Variants in SMG6 observed in about 807,000 individuals in gnomAD.
SMG6 encodes the protein telomerase-binding protein EST1A.
A neutral mutation model predicts 142.2 loss-of-function variants in SMG6; 66 were observed. That is an observed-to-expected ratio of 0.46 (90% CI 0.38 to 0.57). The LOEUF is 0.57. SMG6 is among the 20% of genes least tolerant of loss of function. The pLI, the probability that SMG6 is intolerant of heterozygous loss-of-function variation, is 0.00. For synonymous variants in SMG6, 779 were observed against 702.4 expected, an observed-to-expected ratio of 1.11 and a Z score of -1.72; for missense variants, 1,793 against 1,832.0, an observed-to-expected ratio of 0.98 and a Z score of 0.39.
At chr17:2,188,652 A>C in intron 10 of SMG6, 137 bp from the exon 11 acceptor site, 1 of 683,116 alleles carries the variant, frequency 1.5e-6, no homozygotes, top group Non-Finnish European at 2.5e-6. Context: ...CATAAGGCCA[A>C]GTAGAAAATG....
At position 2,156,393 on chromosome 17, in the gene SMG6, C is replaced by CAAAAAA. The variant is rs34203812; in HGVS notation, c.3357+16259_3357+16264dup. ...TGGGCAACAGAGAGACACTCCTTCT[C>CAAAAAA]AAAAAAAAAAAAAAAAAAAAAAAAA... On this transcript the variant is annotated intron_variant, in intron 13 of 18. Transcript: ENST00000263073. Among the ~76,000 whole-genome samples the CAAAAAA allele has an allele frequency of 9.8e-3, 542 of 55,424 alleles. 21 individuals carry two copies. Among genetic ancestry groups the CAAAAAA allele is most frequent in the Non-Finnish European group, 0.011 (370 of 33,426 alleles). The allele number at this position is 55,424 out of a possible 152,430, so 36.4% of individuals were successfully genotyped here.
intron 8 of SMG6, among the ~76,000 whole-genome samples, chr17:2,257,658 G>A (rs1400890828): frequency 6.6e-6 from 1 of 152,068 alleles, no homozygotes; most frequent in Middle Eastern, 3.4e-3. Context: ...AATGTGATGA[G>A]TATGCTCCCA....
chr17:2,225,427 T>C (rs919610813), intron 10 of SMG6, among the ~76,000 whole-genome samples: 1 of 151,684 alleles, frequency 6.6e-6, no homozygotes, highest in Non-Finnish European at 1.5e-5. Context: ...TGCTTGAACC[T>C]GTGAGGCAGA....
In SMG6 at chr17:2,120,760, G is replaced by A. The variant is rs376743309; in HGVS notation, c.3358-34859C>T. 1.3e-4 allele frequency among the ~76,000 whole-genome samples: 20 copies of A among 152,082 alleles called. No individual in the cohort carries two copies. The East Asian group carries it at 1.9e-3, about 15-fold the overall frequency. ...GCATACAACTTCATTAGTCATCAGG[G>A]AGATACAAATTAAAGCCAAAAATGA... On this transcript the variant is annotated intron_variant, in intron 13 of 18. Coordinates refer to ENST00000263073, the MANE Select transcript of SMG6 (RefSeq NM_017575.5).
chr17:2,232,846 C>T (rs1281543524), intron 10 of SMG6: 1 of 152,156 alleles, frequency 6.6e-6, no homozygotes, highest in Admixed American at 6.5e-5. Flanking sequence ...TCCTCTGCCT[C>T]CAAGAGCAGA....
In SMG6 at chr17:2,249,602, G is replaced by C. The variant is rs541734806; in HGVS notation, c.2662-4883C>G. Among the ~76,000 whole-genome samples the C allele has an allele frequency of 2.0e-5, 3 of 152,236 alleles. No individual in the cohort carries two copies. In the South Asian group the frequency reaches 6.2e-4, roughly 32 times the overall value. ...GCTTCCCAAAGTGCTCAGATCACAG[G>C]CGTGAGCCACCTTGCCTGGCAGACT... On this transcript the variant is annotated intron_variant, in intron 8 of 18. Transcript: ENST00000263073.
chr17:2,072,776 C>T (rs983608248), intron 15 of SMG6: 1 of 152,180 alleles, frequency 6.6e-6, no homozygotes, highest in Non-Finnish European at 1.5e-5. Flanking sequence ...GCGGCTGCTT[C>T]CTTCCCTCTA....
Position 2,150,575 on chromosome 17 carries a change from A to G in SMG6, c.3357+22083T>C, listed in dbSNP as rs193289316. On this transcript the variant is annotated intron_variant, in intron 13 of 18. Coordinates refer to ENST00000263073, the MANE Select transcript of SMG6 (RefSeq NM_017575.5). The stretch of plus-strand genomic sequence containing the variant: ...AGCTATGCCCCATGTCATCAGGGGT[A>G]GCTCACCTCTAGGTGGTTATGTCTC... Among the ~76,000 whole-genome samples, 25 of 152,148 alleles carry G rather than the reference A, an allele frequency of 1.6e-4. No homozygotes were observed. In the East Asian group the frequency reaches 4.2e-3, roughly 26 times the overall value.
At chr17:2,196,229 C>T (rs2072320713) in intron 10 of SMG6, among the ~76,000 whole-genome samples, 1 of 152,150 alleles carries the variant, frequency 6.6e-6, no homozygotes, top group African/African-American at 2.4e-5. Flanking sequence ...CGAGACCAGC[C>T]TGGCCAACAT....
chr17:2,169,055 T>A (rs2071425898), intron 13 of SMG6, among the ~76,000 whole-genome samples: 1 of 151,780 alleles, frequency 6.6e-6, no homozygotes, highest in Non-Finnish European at 1.5e-5. Context: ...CAAAACTTTT[T>A]TTTTTTTTAA....
At chr17:2,295,626 C>G (rs1413237404) in intron 4 of SMG6, among the ~76,000 whole-genome samples, 1 of 152,068 alleles carries the variant, frequency 6.6e-6, no homozygotes, top group Non-Finnish European at 1.5e-5. Context: ...CTACCCCCAC[C>G]TTGAAATGTA....
At chr17:2,089,448 G>A (rs2232474) in intron 13 of SMG6, among the ~76,000 whole-genome samples, 1 of 152,104 alleles carries the variant, frequency 6.6e-6, no homozygotes, top group Non-Finnish European at 1.5e-5. Flanking sequence ...CTGTGTAGGC[G>A]ATTGTCAAGA....
At chr17:2,086,635 G>A (rs1232495116) in intron 13 of SMG6, among the ~76,000 whole-genome samples, 2 of 152,244 alleles carry the variant, frequency 1.3e-5, no homozygotes, top group Non-Finnish European at 2.9e-5. Context: ...TGATTTAGCT[G>A]AGATGAAACT....
intron 13 of SMG6, among the ~76,000 whole-genome samples, chr17:2,108,586 G>A (rs1031973942): frequency 6.6e-6 from 1 of 152,136 alleles, no homozygotes. Context: ...AGCCGAGATT[G>A]TGTCACTGCA....
intron 13 of SMG6, among the ~76,000 whole-genome samples, chr17:2,147,284 T>G (rs1401193265): frequency 6.6e-6 from 1 of 152,030 alleles, no homozygotes; most frequent in African/African-American, 2.4e-5. Context: ...TCCCAGCTAC[T>G]TGGGAGGCTG....
chr17:2,156,662 G>GT (rs2071017323), intron 13 of SMG6, among the ~76,000 whole-genome samples: 3 of 151,484 alleles, frequency 2.0e-5, no homozygotes, highest in Non-Finnish European at 1.5e-5. Context: ...TTTTTTGCTT[G>GT]TTTGTTTTTT....
chr17:2,261,972 C>T (rs1005604196), intron 8 of SMG6, among the ~76,000 whole-genome samples: 18 of 152,186 alleles, frequency 1.2e-4, no homozygotes, highest in Non-Finnish European at 1.2e-4. Flanking sequence ...AATGTGTTAA[C>T]ATAGTTTGCT....
At chr17:2,237,826 T>C (rs529905505) in intron 9 of SMG6, among the ~76,000 whole-genome samples, 6 of 152,186 alleles carry the variant, frequency 3.9e-5, no homozygotes, top group Non-Finnish European at 5.9e-5. Context: ...TCAAGCTTGG[T>C]GCTAGAGAGA....
chr17:2,105,610 G>A (rs11654636), intron 13 of SMG6, among the ~76,000 whole-genome samples: 42,270 of 152,076 alleles, frequency 0.28, 7,606 homozygotes, highest in Admixed American at 0.38. Context: ...AGGCCCTCAG[G>A]ACAGAAGAAA....
Sources: allele counts gnomAD v4.1 joint callset (sites outside exome capture counted in the v4.1 genomes callset), GRCh38; gene constraint gnomAD v4.1.1; transcripts MANE v1.5; gene names NCBI Gene and HGNC (gene_info 2026-07-23, HGNC 2026-07-21).